Variants in TRIB2 observed in about 807,000 individuals in gnomAD.
TRIB2 encodes tribbles homolog 2.
A neutral mutation model predicts 26.8 loss-of-function variants in TRIB2; 2 were observed. The observed-to-expected ratio is 0.07, with a 90% CI of 0.03 to 0.24. The LOEUF (loss-of-function observed/expected upper bound fraction) is 0.24. Ranked by LOEUF, TRIB2 falls within the 10% of genes least tolerant of loss-of-function variation. TRIB2 has a pLI of 1.00. For missense variants in TRIB2, 306 were observed against 449.0 expected, an observed-to-expected ratio of 0.68 and a Z score of 2.88; for synonymous variants, 189 against 187.3, an observed-to-expected ratio of 1.01 and a Z score of -0.08.
At chr2:12,720,284 T>C (rs530881903) in intron 1 of TRIB2, among the ~76,000 whole-genome samples, 141 of 152,338 alleles carry the variant, frequency 9.3e-4, no homozygotes, top group African/African-American at 3.3e-3. Flanking sequence ...TGGCCTCAAA[T>C]TGGACTTAAT....
rs532412071 is a variant in TRIB2, at chr2:12,742,505, A to G, written c.*1711A>G. ...GCCCTTGATTCTATTTTGCTAATGG[A>G]AGATAGAAAGGAGAGAAGGTTTTTT... On this transcript the variant is annotated 3_prime_UTR_variant, in exon 3 of 3. Transcript: ENST00000155926. 1.3e-5 allele frequency: 2 copies of G among 152,148 alleles called. No individual in the cohort carries two copies. Among genetic ancestry groups the G allele is most frequent in the East Asian group, 3.9e-4 (2 of 5,176 alleles). 9.4% of individuals were successfully genotyped at this position (152,148 alleles called of 1,614,324 possible).
At chr2:12,724,317 C>G (rs1643850933) in intron 2 of TRIB2, among the ~76,000 whole-genome samples, 1 of 152,242 alleles carries the variant, frequency 6.6e-6, no homozygotes, top group African/African-American at 2.4e-5. Context: ...CTGGCTTATG[C>G]CGTTAACTCA....
At position 12,740,357 on chromosome 2, in the gene TRIB2, G is replaced by A. The variant is rs1191870354; in HGVS notation, c.595G>A (p.Ala199Thr). 1.2e-6 allele frequency: 2 copies of A among 1,614,122 alleles called. No homozygotes were observed. Among genetic ancestry groups the A allele is most frequent in the African/African-American group, 1.3e-5 (1 of 75,022 alleles). The change falls in exon 3 of 3, where the codon GCC (alanine) becomes ACC (threonine). Residue 199 changes from alanine (A) to threonine (T), a missense_variant. This residue lies in a region of TRIB2 where 118 missense variants were observed against 188.8 expected (regional missense o/e 0.63). Transcript: ENST00000155926. The surrounding 1 kb of genome is among the most constrained non-coding windows in gnomAD (Gnocchi z 5.8). ...GGTCAAGCTGGAAAGCCTGGAAGACGCCTACATTCTGCGGGGAGATGATGA... is the reference window on the plus strand; with the variant it reads ...GGTCAAGCTGGAAAGCCTGGAAGACACCTACATTCTGCGGGGAGATGATGA... Reference protein sequence around the residue: ...TRVKLESLEDAYILRGDDDSL... With the variant: ...TRVKLESLEDTYILRGDDDSL...
chr2:12,719,105 G>A (rs1666667023), intron 1 of TRIB2, among the ~76,000 whole-genome samples: 1 of 152,190 alleles, frequency 6.6e-6, no homozygotes, highest in South Asian at 2.1e-4. Context: ...CAGGGAAGGA[G>A]TTTACAAAGA....
intron 2 of TRIB2, among the ~76,000 whole-genome samples, chr2:12,730,586 C>T (rs1024821562): frequency 1.3e-5 from 2 of 152,322 alleles, no homozygotes; most frequent in African/African-American, 4.8e-5. Context: ...CCTGTTGTTC[C>T]ATTCTGTGGG....
chr2:12,720,551 C>G (rs1390978510), intron 1 of TRIB2, among the ~76,000 whole-genome samples: 1 of 152,164 alleles, frequency 6.6e-6, no homozygotes, highest in African/African-American at 2.4e-5. Flanking sequence ...GATATATATG[C>G]TGTGGTCTCT....
At chr2:12,738,007 G>A (rs140368546) in intron 2 of TRIB2, among the ~76,000 whole-genome samples, 91 of 152,278 alleles carry the variant, frequency 6.0e-4, no homozygotes, top group African/African-American at 2.1e-3. Context: ...CTTTTCCCAC[G>A]ACCACAACTA....
chr2:12,724,243 G>A (rs1661288615), intron 2 of TRIB2, among the ~76,000 whole-genome samples: 1 of 152,222 alleles, frequency 6.6e-6, no homozygotes, highest in Non-Finnish European at 1.5e-5. Context: ...AACTGCTGAT[G>A]CAAATGCATG....
Position 12,740,245 on chromosome 2 carries a change from T to C in TRIB2, c.564-81T>C, listed in dbSNP as rs1026681031. The C allele has an allele frequency of 1.8e-5, 24 of 1,329,840 alleles. No individual in the cohort carries two copies. The Middle Eastern group carries it at 9.2e-4, about 51-fold the overall frequency. The allele number at this position is 1,329,840 out of a possible 1,614,324, so 82.4% of individuals were successfully genotyped here. A position where few individuals can be genotyped will look rare whatever the true frequency, so the allele number is the denominator to read the frequency against. ...GTGAATGAGGAGTCTTCAGAAACAC[T>C]ATAGTCGGTTATGTTATGATGCTGG... On this transcript the variant is annotated intron_variant, in intron 2 of 2. Transcript: ENST00000155926. This position sits in a 1 kb window ranked among gnomAD's most constrained non-coding sequence, Gnocchi z 5.8.
At chr2:12,726,363 A>G (rs1241441378) in intron 2 of TRIB2, among the ~76,000 whole-genome samples, 2 of 152,170 alleles carry the variant, frequency 1.3e-5, no homozygotes, top group African/African-American at 4.8e-5. Context: ...TCCTGGCAGC[A>G]TTGAGTTTCA....
chr2:12,735,689 A>C (rs1189154150), intron 2 of TRIB2, among the ~76,000 whole-genome samples: 1 of 151,976 alleles, frequency 6.6e-6, no homozygotes. Flanking sequence ...GTACTTTGTA[A>C]TTTTCAAGGC....
intron 2 of TRIB2, among the ~76,000 whole-genome samples, chr2:12,733,893 G>A (rs1437135123): frequency 1.3e-5 from 2 of 152,100 alleles, no homozygotes; most frequent in African/African-American, 4.8e-5. Context: ...GGTGGGGGGA[G>A]AATCGGGGCT....
chr2:12,740,898 C>T lies in TRIB2; in HGVS notation c.*104C>T, dbSNP rs113284736. Reference sequence around the variant, plus strand: ...TTGCCTGGCTGAGTAGCAAGAAAGACACACTCTTAAGTTTCTTGGTTCAGA... The same window carrying T: ...TTGCCTGGCTGAGTAGCAAGAAAGATACACTCTTAAGTTTCTTGGTTCAGA... On this transcript the variant is annotated 3_prime_UTR_variant, in exon 3 of 3. Transcript: ENST00000155926. This position sits in a 1 kb window ranked among gnomAD's most constrained non-coding sequence, Gnocchi z 5.8. 5.1e-5 allele frequency: 56 copies of T among 1,097,770 alleles called. No individual in the cohort carries two copies. The highest frequency in any genetic ancestry group is 6.9e-5 in the Non-Finnish European group (53 of 767,518). The allele number at this position is 1,097,770 out of a possible 1,614,324, so 68.0% of individuals were successfully genotyped here. A position where few individuals can be genotyped will look rare whatever the true frequency, so the allele number is the denominator to read the frequency against.
intron 2 of TRIB2, among the ~76,000 whole-genome samples, chr2:12,725,602 G>A (rs1661324064): frequency 6.6e-6 from 1 of 152,234 alleles, no homozygotes; most frequent in African/African-American, 2.4e-5. Flanking sequence ...CCAACCTCAG[G>A]AGTGTGTGCC....
At chr2:12,727,395 C>T (rs1661359576) in intron 2 of TRIB2, among the ~76,000 whole-genome samples, 1 of 152,182 alleles carries the variant, frequency 6.6e-6, no homozygotes, top group African/African-American at 2.4e-5. Context: ...GCAGCCTATT[C>T]AGTGAAGAGT....
chr2:12,737,842 T>C (rs1006622529), intron 2 of TRIB2, among the ~76,000 whole-genome samples: 5 of 152,204 alleles, frequency 3.3e-5, no homozygotes, highest in African/African-American at 1.2e-4. Context: ...GTTGTGTCTA[T>C]TTTACTACAT....
At chr2:12,731,238 G>T (rs1315736498) in intron 2 of TRIB2, among the ~76,000 whole-genome samples, 4 of 152,132 alleles carry the variant, frequency 2.6e-5, no homozygotes, top group African/African-American at 9.7e-5. Context: ...GGGATGGGGA[G>T]GTCCCAGAAG....
chr2:12,723,579 G>A (rs1186298519), intron 2 of TRIB2, 27 bp downstream of exon 2: 14 of 1,604,302 alleles, frequency 8.7e-6, no homozygotes, highest in Non-Finnish European at 1.2e-5. Flanking sequence ...CCAGACCTGG[G>A]TACTGTGATG....
chr2:12,719,108 T>C (rs929688392), intron 1 of TRIB2, among the ~76,000 whole-genome samples: 2 of 152,124 alleles, frequency 1.3e-5, no homozygotes, highest in Non-Finnish European at 2.9e-5. Flanking sequence ...GGAAGGAGTT[T>C]ACAAAGACCT....
Sources: allele counts gnomAD v4.1 joint callset (sites outside exome capture counted in the v4.1 genomes callset), GRCh38; gene constraint gnomAD v4.1.1; regional missense constraint gnomAD v4.1.1; non-coding constraint Gnocchi (gnomAD v3.1); transcripts MANE v1.5; gene names NCBI Gene and HGNC (gene_info 2026-07-23, HGNC 2026-07-21).